Variants in MGAT5 observed in about 807,000 individuals in gnomAD.
MGAT5 encodes alpha-1,6-mannosylglycoprotein 6-beta-N-acetylglucosaminyltransferase.
Under a neutral mutation model 94.3 loss-of-function variants are expected in MGAT5, and 30 were observed. The observed-to-expected ratio is 0.32, with a 90% confidence interval of 0.24 to 0.43. The LOEUF (loss-of-function observed/expected upper bound fraction) is 0.43. MGAT5 is among the 20% of genes least tolerant of loss of function. The pLI is 1.00. For missense variants in MGAT5, 691 were observed against 905.5 expected, an observed-to-expected ratio of 0.76 and a Z score of 3.04; for synonymous variants, 310 against 322.9, an observed-to-expected ratio of 0.96 and a Z score of 0.43.
At chr2:134,157,114 C>T (rs566357387) in intron 1 of MGAT5, among the ~76,000 whole-genome samples, 1 of 152,280 alleles carries the variant, frequency 6.6e-6, no homozygotes, top group South Asian at 2.1e-4. Flanking sequence ...CATCCTCCAT[C>T]ATATTGGGTT....
intron 2 of MGAT5, among the ~76,000 whole-genome samples, chr2:134,307,979 A>T (rs1209571297): frequency 1.3e-5 from 2 of 152,172 alleles, no homozygotes; most frequent in Admixed American, 6.5e-5. Context: ...GGTCCCCAAG[A>T]AATGTTTAAA....
intron 4 of MGAT5, among the ~76,000 whole-genome samples, chr2:134,320,974 CTAACG>C (rs1687280542): frequency 1.3e-5 from 2 of 152,142 alleles, no homozygotes; most frequent in South Asian, 4.1e-4. Context: ...AACCCCAGAG[CTAACG>C]ATAGTTAAAA....
intron 1 of MGAT5, among the ~76,000 whole-genome samples, chr2:134,177,527 G>C (rs576431032): frequency 6.6e-6 from 1 of 152,230 alleles, no homozygotes; most frequent in Non-Finnish European, 1.5e-5. Context: ...TGACAAGAGT[G>C]CGGATTTCAG....
At chr2:134,208,971 G>A (rs1222548019) in intron 1 of MGAT5, among the ~76,000 whole-genome samples, 1 of 152,088 alleles carries the variant, frequency 6.6e-6, no homozygotes, top group Non-Finnish European at 1.5e-5. Flanking sequence ...CTGGGAGCAG[G>A]GTTTCCTGGT....
intron 1 of MGAT5, among the ~76,000 whole-genome samples, chr2:134,120,787 G>A (rs370308014): frequency 1.4e-3 from 209 of 152,074 alleles, no homozygotes; most frequent in African/African-American, 4.5e-3. Context: ...GGCCAGTGGG[G>A]AGGAAGGAAG....
At chr2:134,442,045 G>C in intron 15 of MGAT5, 130 bp downstream of exon 15, 1 of 1,040,374 alleles carries the variant, frequency 9.6e-7, no homozygotes, top group Middle Eastern at 3.2e-4. Flanking sequence ...TGGGAGGGGA[G>C]TAGGTTGCAG....
intron 12 of MGAT5, among the ~76,000 whole-genome samples, chr2:134,420,838 G>A (rs1236022729): frequency 6.6e-6 from 1 of 152,156 alleles, no homozygotes; most frequent in African/African-American, 2.4e-5. Context: ...GAAATAAAAG[G>A]AAAAGAATTT....
Position 134,189,592 on chromosome 2 carries a change from G to GTTTTTTTTTTTTT in MGAT5, c.-142-64661_-142-64660insTTTTTTTTTTTTT, listed in dbSNP as rs113582076. ...ACATATGACTAACCTCATGGCTCTA[G>GTTTTTTTTTTTTT]TTTTTTTTTGTTTTTTTTTTTTTTT... is the stretch of plus-strand genomic sequence containing the variant. On this transcript the variant is annotated intron_variant, in intron 1 of 16. Coordinates refer to the MGAT5 transcript ENST00000409645. Among the ~76,000 whole-genome samples, 151 of 56,248 alleles carry GTTTTTTTTTTTTT rather than the reference G, an allele frequency of 2.7e-3. 5 individuals carry two copies. The highest frequency in any genetic ancestry group is 0.01 in the Middle Eastern group (1 of 98). 36.9% of individuals were successfully genotyped at this position (56,248 alleles called of 152,430 possible). A position where few individuals can be genotyped will look rare whatever the true frequency, so the allele number is the denominator to read the frequency against.
chr2:134,316,595 C>T (rs1202142337), intron 2 of MGAT5, among the ~76,000 whole-genome samples: 3 of 152,074 alleles, frequency 2.0e-5, no homozygotes, highest in Admixed American at 6.5e-5. Flanking sequence ...CATAATTACA[C>T]ATATTTATAG....
At chr2:134,259,113 C>A (rs918335036) in intron 1 of MGAT5, among the ~76,000 whole-genome samples, 1 of 152,228 alleles carries the variant, frequency 6.6e-6, no homozygotes, top group Admixed American at 6.5e-5. Context: ...GTGGAACATT[C>A]AGTGCGTTTG....
At chr2:134,236,927 C>G (rs1307803133) in intron 1 of MGAT5, among the ~76,000 whole-genome samples, 2 of 152,148 alleles carry the variant, frequency 1.3e-5, no homozygotes, top group Non-Finnish European at 2.9e-5. Context: ...CTCTAGTTGG[C>G]CTCTTATCAC....
intron 1 of MGAT5, among the ~76,000 whole-genome samples, chr2:134,216,060 A>G (rs1680479828): frequency 6.6e-6 from 1 of 152,090 alleles, no homozygotes; most frequent in Non-Finnish European, 1.5e-5. Flanking sequence ...AGAAAGGCTG[A>G]TGTGTTCCAT....
chr2:134,254,341 C>T lies in MGAT5; in HGVS notation c.-63C>T. 6.3e-7 allele frequency: 1 copy of T among 1,585,188 alleles called. No individual in the cohort carries two copies. Among genetic ancestry groups the T allele is most frequent in the East Asian group, 2.2e-5 (1 of 44,714 alleles). The stretch of plus-strand genomic sequence containing the variant: ...GCAGACTCTCACACTCAACCTACAC[C>T]ATGAATTTGTGTCTATCTTCTACGC... On this transcript the variant is annotated 5_prime_UTR_variant, in exon 1 of 16. Coordinates refer to ENST00000281923, the MANE Select transcript of MGAT5 (RefSeq NM_002410.5).
chr2:134,145,621 G>A (rs890898980), intron 1 of MGAT5, among the ~76,000 whole-genome samples: 36 of 152,248 alleles, frequency 2.4e-4, no homozygotes, highest in African/African-American at 8.4e-4. Flanking sequence ...GATCCGAGGA[G>A]TGAGGGGCAG....
intron 1 of MGAT5, among the ~76,000 whole-genome samples, chr2:134,265,069 G>A (rs1449475592): frequency 6.6e-6 from 1 of 152,184 alleles, no homozygotes; most frequent in African/African-American, 2.4e-5. Flanking sequence ...ATGCAACCTG[G>A]TAACTGACTG....
chr2:134,206,533 AC>A (rs1376853633), intron 1 of MGAT5, among the ~76,000 whole-genome samples: 7 of 152,192 alleles, frequency 4.6e-5, no homozygotes, highest in Non-Finnish European at 8.8e-5. Context: ...GAAATCTGAA[AC>A]GGCTCTGTAG....
chr2:134,215,864 G>T (rs1005205287), intron 1 of MGAT5, among the ~76,000 whole-genome samples: 4 of 152,138 alleles, frequency 2.6e-5, no homozygotes, highest in Non-Finnish European at 5.9e-5. Flanking sequence ...TCCTCTCCAT[G>T]GTTGGTATTT....
intron 1 of MGAT5, among the ~76,000 whole-genome samples, chr2:134,170,480 C>T (rs905534163): frequency 1.3e-5 from 2 of 152,202 alleles, no homozygotes; most frequent in South Asian, 4.1e-4. Flanking sequence ...ACCTCTGTTA[C>T]TGCTCAGGGC....
At chr2:134,283,829 G>A (rs928905912) in intron 2 of MGAT5, among the ~76,000 whole-genome samples, 8 of 151,732 alleles carry the variant, frequency 5.3e-5, no homozygotes, top group East Asian at 1.9e-4. Flanking sequence ...TCCCCCGGCC[G>A]CTGGGTTCTC....
Sources: gnomAD v4.1 joint callset for allele counts (sites outside exome capture counted in the v4.1 genomes callset) on GRCh38, gnomAD v4.1.1 for gene constraint, MANE v1.5 for transcripts, NCBI Gene and HGNC (gene_info 2026-07-23, HGNC 2026-07-21) for gene names.